The following IFITM1 variants were observed in gnomAD, a reference collection of about 807,000 sequenced individuals.
The protein encoded by IFITM1 is interferon induced transmembrane protein 1.
IFITM1 carries 1 observed loss-of-function variant against 4.0 expected under a neutral mutation model. That is an observed-to-expected ratio of 0.25 (90% confidence interval 0.09 to 1.18). IFITM1 has a LOEUF of 1.18. IFITM1 is among the 50% of genes most tolerant of loss of function. The probability of loss-of-function intolerance (pLI) is 0.50; values close to 1 mark genes in which losing one functional copy is unlikely to be tolerated. For missense variants in IFITM1, 131 were observed against 163.2 expected (o/e 0.80, Z 1.08); for synonymous variants, 79 against 69.7 (o/e 1.13, Z -0.67).
chr11:314,084 T>C lies in IFITM1; in HGVS notation c.-87T>C. ...GGTCTCACTGAGCACCGTCCCAGCA[T>C]CCGGACACCACAGCGGCCCTTCGCT... On this transcript the variant is annotated 5_prime_UTR_variant, in exon 1 of 2. Coordinates refer to ENST00000408968, the MANE Select transcript of IFITM1 (RefSeq NM_003641.5). The surrounding 1 kb of genome is among the most constrained non-coding windows in gnomAD (Gnocchi z 4.5). The C allele has an allele frequency of 8.5e-7, 1 of 1,179,226 alleles. No individual in the cohort carries two copies. The highest frequency in any genetic ancestry group is 1.8e-5 in the Admixed American group (1 of 55,262). 73.0% of individuals were successfully genotyped at this position (1,179,226 alleles called of 1,614,324 possible). A position where few individuals can be genotyped will look rare whatever the true frequency, so the allele number is the denominator to read the frequency against.
rs1320824713 is a variant in IFITM1 at position 314,433 on chromosome 11, G to A, written c.186+77G>A. On this transcript the variant is annotated intron_variant, in intron 1 of 1. Coordinates refer to ENST00000408968, the MANE Select transcript of IFITM1 (RefSeq NM_003641.5). The surrounding 1 kb of genome is among the most constrained non-coding windows in gnomAD (Gnocchi z 4.5). The stretch of plus-strand genomic sequence containing the variant: ...CACCTGCCCACATGCTGCCTGGGGT[G>A]GGGACTTGTGTGTCCCTGTGACTGT... 5 of 1,541,830 alleles carry A rather than the reference G, an allele frequency of 3.2e-6. No individual in the cohort carries two copies. Among genetic ancestry groups the A allele is most frequent in the African/African-American group, 1.4e-5 (1 of 73,856 alleles).
At position 315,209 on chromosome 11, in the gene IFITM1, A is replaced by G; in HGVS notation, c.*96A>G. ...CCTGCCCCCTTGGTCCTGCCCCTAG[A>G]TACAGCAGTTTATACCCACACACCT... On this transcript the variant is annotated 3_prime_UTR_variant, in exon 2 of 2. Transcript: ENST00000408968. 1 of 1,194,558 alleles carries G rather than the reference A, an allele frequency of 8.4e-7. No individual in the cohort carries two copies. The highest frequency in any genetic ancestry group is 1.2e-6 in the Non-Finnish European group (1 of 822,650). 74.0% of individuals were successfully genotyped at this position (1,194,558 alleles called of 1,614,324 possible). A position where few individuals can be genotyped will look rare whatever the true frequency, so the allele number is the denominator to read the frequency against.
Sources: allele counts gnomAD v4.1 joint callset, GRCh38; gene constraint gnomAD v4.1.1; non-coding constraint Gnocchi (gnomAD v3.1); transcripts MANE v1.5; gene names NCBI Gene and HGNC (gene_info 2026-07-23, HGNC 2026-07-21).